Variants in AGBL3 observed in about 807,000 individuals in gnomAD.
AGBL3 encodes the protein cytosolic carboxypeptidase 3.
Under a neutral mutation model 94.5 loss-of-function variants are expected in AGBL3, and 68 were observed. The ratio of observed to expected loss-of-function variants is 0.72; its 90% confidence interval spans 0.59 to 0.88. The LOEUF (loss-of-function observed/expected upper bound fraction) is 0.88, where lower values mean the gene tolerates loss of function less well. AGBL3 is among the 40% of genes least tolerant of loss of function. The pLI is 0.00. For missense variants in AGBL3, 934 were observed against 1,103.8 expected, an observed-to-expected ratio of 0.85 and a Z score of 2.18; for synonymous variants, 354 against 370.7, an observed-to-expected ratio of 0.95 and a Z score of 0.52.
chr7:135,059,211 TTAC>T lies in AGBL3; in HGVS notation c.1885_1887del (p.Tyr629del). The T allele has an allele frequency of 6.4e-7, 1 of 1,551,260 alleles. No individual in the cohort carries two copies. On this transcript the variant is annotated inframe_deletion, in exon 12 of 17. Transcript: ENST00000436302. ...GTTCAGAATCCATTGACTCTCTGAC[TTAC>T]CTTCTCAAGTTAACTTCTCAGGTAT...
intron 13 of AGBL3, among the ~76,000 whole-genome samples, chr7:135,079,796 A>G (rs1820769100): frequency 6.6e-6 from 1 of 151,972 alleles, no homozygotes; most frequent in Non-Finnish European, 1.5e-5. Context: ...CAGTTTTGCA[A>G]TCTGTTTATA....
At chr7:135,043,645 G>A (rs1817079969) in intron 8 of AGBL3, among the ~76,000 whole-genome samples, 1 of 152,024 alleles carries the variant, frequency 6.6e-6, no homozygotes, top group South Asian at 2.1e-4. Context: ...CATTTACTCT[G>A]ATGTGATTAT....
intron 15 of AGBL3, among the ~76,000 whole-genome samples, chr7:135,088,661 C>A (rs1449162790): frequency 6.6e-6 from 1 of 152,004 alleles, no homozygotes; most frequent in Admixed American, 6.6e-5. Context: ...TCTTGACTGG[C>A]AATTTTTTTT....
chr7:135,062,331 A>C (rs562701299), intron 12 of AGBL3, among the ~76,000 whole-genome samples: 37 of 151,932 alleles, frequency 2.4e-4, no homozygotes, highest in Non-Finnish European at 7.4e-5. Context: ...TTGTCTCCAA[A>C]CAAGGACAAT....
intron 16 of AGBL3, among the ~76,000 whole-genome samples, chr7:135,131,031 TG>T (rs1828684652): frequency 6.6e-6 from 1 of 152,136 alleles, no homozygotes; most frequent in Non-Finnish European, 1.5e-5. Flanking sequence ...CTGTTTTAGG[TG>T]TGTGTGTCCA....
intron 12 of AGBL3, among the ~76,000 whole-genome samples, chr7:135,068,540 G>C (rs1283701405): frequency 1.3e-5 from 2 of 152,308 alleles, no homozygotes; most frequent in East Asian, 3.9e-4. Flanking sequence ...TGATCTCTCG[G>C]CAGAAACTCT....
At chr7:135,025,419 G>A (rs180768984) in intron 5 of AGBL3, among the ~76,000 whole-genome samples, 1 of 151,620 alleles carries the variant, frequency 6.6e-6, no homozygotes, top group African/African-American at 2.4e-5. Flanking sequence ...AAGTGCTAAG[G>A]GAAGTTGTTA....
rs187814950 is a variant in AGBL3 at position 135,010,919 on chromosome 7, G to C, written c.311-6133G>C. 1.3e-4 allele frequency: 20 copies of C among 152,244 alleles called. No individual in the cohort carries two copies. In the East Asian group the frequency reaches 3.5e-3, roughly 26 times the overall value. 9.4% of individuals were successfully genotyped at this position (152,244 alleles called of 1,614,324 possible). On this transcript the variant is annotated intron_variant, in intron 4 of 16. Transcript: ENST00000436302. ...CTCCAAACTGATCTACATGTCCCAT[G>C]CAATACCAGTCAAAATCCCAATTGT... is the stretch of plus-strand genomic sequence containing the variant.
intron 12 of AGBL3, among the ~76,000 whole-genome samples, chr7:135,066,600 TA>T (rs1819326607): frequency 6.6e-6 from 1 of 152,254 alleles, no homozygotes; most frequent in East Asian, 1.9e-4. Flanking sequence ...TATGATACAG[TA>T]ATCACCCTTC....
At chr7:135,079,397 A>ATATTGAAT (rs1329812079) in intron 13 of AGBL3, among the ~76,000 whole-genome samples, 1 of 152,072 alleles carries the variant, frequency 6.6e-6, no homozygotes, top group African/African-American at 2.4e-5. Flanking sequence ...CCAATCAATT[A>ATATTGAAT]TATATATGAA....
chr7:135,125,756 AC>A (rs549502605), intron 16 of AGBL3, among the ~76,000 whole-genome samples: 140 of 152,330 alleles, frequency 9.2e-4, no homozygotes, highest in African/African-American at 3.2e-3. Context: ...AAATCAATAA[AC>A]ATAATCCATC....
At chr7:135,039,547 C>CA (rs1362999267) in intron 8 of AGBL3, among the ~76,000 whole-genome samples, 1 of 152,016 alleles carries the variant, frequency 6.6e-6, no homozygotes, top group Non-Finnish European at 1.5e-5. Flanking sequence ...CCAACTTGGC[C>CA]AACATGGTGA....
At chr7:134,986,875 T>TAAGCGTGGACGCGCCC (rs1208360894) in intron 1 of AGBL3, among the ~76,000 whole-genome samples, 174 bp downstream of exon 1, 2 of 152,238 alleles carry the variant, frequency 1.3e-5, no homozygotes, top group African/African-American at 4.8e-5. Flanking sequence ...GGGACGCGGC[T>TAAGCGTGGACGCGCCC]AAGCGTGGAC....
intron 15 of AGBL3, chr7:135,101,056 A>G: frequency 2.6e-6 from 1 of 390,058 alleles, no homozygotes; most frequent in South Asian, 1.9e-5. Context: ...TGACAATGAA[A>G]TCAGAGGACC....
chr7:135,065,940 T>C (rs1819252223), intron 12 of AGBL3, among the ~76,000 whole-genome samples: 2 of 152,014 alleles, frequency 1.3e-5, no homozygotes, highest in African/African-American at 4.8e-5. Flanking sequence ...TAAAACAGAA[T>C]GAAATTGGAC....
chr7:135,035,470 T>A (rs1159136154), intron 7 of AGBL3, among the ~76,000 whole-genome samples: 1 of 152,006 alleles, frequency 6.6e-6, no homozygotes, highest in Non-Finnish European at 1.5e-5. Context: ...GTCACATGTG[T>A]GTGGAAAGGT....
intron 15 of AGBL3, among the ~76,000 whole-genome samples, chr7:135,085,926 C>T (rs1271818993): frequency 6.6e-6 from 1 of 151,980 alleles, no homozygotes; most frequent in Non-Finnish European, 1.5e-5. Flanking sequence ...GAACAGATAA[C>T]TTTGGATAGT....
At chr7:135,006,863 A>G (rs555179899) in intron 4 of AGBL3, among the ~76,000 whole-genome samples, 4 of 152,062 alleles carry the variant, frequency 2.6e-5, no homozygotes, top group South Asian at 4.1e-4. Flanking sequence ...GTGCTAGAAG[A>G]CTAAGAGGAT....
intron 15 of AGBL3, among the ~76,000 whole-genome samples, chr7:135,104,076 C>A (rs575448901): frequency 2.0e-4 from 31 of 152,126 alleles, no homozygotes; most frequent in Non-Finnish European, 3.5e-4. Context: ...CCACCCTTCA[C>A]CCTCAAGTAG....
Sources: allele counts gnomAD v4.1 joint callset (sites outside exome capture counted in the v4.1 genomes callset), GRCh38; gene constraint gnomAD v4.1.1; transcripts MANE v1.5; gene names NCBI Gene and HGNC (gene_info 2026-07-23, HGNC 2026-07-21).